The following PRSS23 variants were observed in gnomAD, a reference collection of about 807,000 sequenced individuals.
PRSS23 encodes the protein protease, serine 23.
Under a neutral mutation model 34.7 loss-of-function variants are expected in PRSS23, and 25 were observed. The observed-to-expected ratio is 0.72, with a 90% confidence interval of 0.53 to 1.01. The LOEUF (loss-of-function observed/expected upper bound fraction) is 1.01. Ranked by LOEUF, PRSS23 falls within the 50% of genes least tolerant of loss-of-function variation. PRSS23 has a pLI of 0.00. For synonymous variants in PRSS23, 176 were observed against 186.6 expected (o/e 0.94, Z 0.46); for missense variants, 445 against 475.6 (o/e 0.94, Z 0.60).
intron 2 of PRSS23, among the ~76,000 whole-genome samples, chr11:86,875,329 C>T (rs11234847): frequency 0.087 from 13,224 of 152,198 alleles, 634 homozygotes; most frequent in East Asian, 0.2. Context: ...CAAGATCATG[C>T]GGTTGCACTC....
intron 1 of PRSS23, among the ~76,000 whole-genome samples, chr11:86,804,563 C>T (rs1839383466): frequency 1.3e-5 from 2 of 152,208 alleles, no homozygotes; most frequent in Non-Finnish European, 1.5e-5. Flanking sequence ...GTTAAAGCTT[C>T]ACACTGTCCT....
intron 1 of PRSS23, among the ~76,000 whole-genome samples, chr11:86,804,672 A>T (rs538713271): frequency 6.6e-6 from 1 of 152,342 alleles, no homozygotes; most frequent in Admixed American, 6.5e-5. Flanking sequence ...CTGAATTAGT[A>T]ATATTCTATC....
chr11:86,798,749 C>A (rs1253038856), upstream of PRSS23, among the ~76,000 whole-genome samples: 1 of 152,184 alleles, frequency 6.6e-6, no homozygotes, highest in Non-Finnish European at 1.5e-5. Context: ...GGTTGGAGTG[C>A]AGTGGTGATC....
intron 2 of PRSS23, among the ~76,000 whole-genome samples, chr11:86,943,822 C>T (rs974993073): frequency 2.6e-5 from 4 of 151,790 alleles, no homozygotes; most frequent in African/African-American, 4.8e-5. Context: ...CGGCTCATTG[C>T]AACCTCTGCC....
chr11:86,895,527 T>C (rs1948869151), intron 2 of PRSS23, among the ~76,000 whole-genome samples: 2 of 132,502 alleles, frequency 1.5e-5, no homozygotes, highest in Non-Finnish European at 3.1e-5. Context: ...TTGCCCAGGC[T>C]GGAGTACAGT....
upstream of PRSS23, among the ~76,000 whole-genome samples, chr11:86,796,712 A>G (rs1432113106): frequency 6.6e-6 from 1 of 151,228 alleles, no homozygotes; most frequent in African/African-American, 2.4e-5. Context: ...TATAGTATGC[A>G]TTCACTAAGC....
chr11:86,939,426 A>ATATATATTTTTTTAT, intron 2 of PRSS23, among the ~76,000 whole-genome samples: 1 of 94,072 alleles, frequency 1.1e-5, no homozygotes, highest in East Asian at 2.9e-4. Flanking sequence ...ATATATATAT[A>ATATATATTTTTTTAT]TTTTTTAACA....
intron 2 of PRSS23, among the ~76,000 whole-genome samples, chr11:86,824,206 G>C (rs898174390): frequency 6.6e-6 from 1 of 151,234 alleles, no homozygotes; most frequent in African/African-American, 2.4e-5. Context: ...TACTTGGGAG[G>C]CTGAGGTGGG....
intron 1 of PRSS23, among the ~76,000 whole-genome samples, chr11:86,801,724 A>G (rs958041640): frequency 1.3e-5 from 2 of 152,240 alleles, no homozygotes; most frequent in Non-Finnish European, 2.9e-5. Flanking sequence ...TATTTGTGAC[A>G]GGTTTATAAC....
chr11:86,800,365 G>C, upstream of PRSS23: 1 of 846,928 alleles, frequency 1.2e-6, no homozygotes, highest in Non-Finnish European at 1.4e-6. Flanking sequence ...AGGCCCTCTG[G>C]GCTGCTCCAC....
At chr11:86,812,331 G>T (rs1295990998), downstream of PRSS23, among the ~76,000 whole-genome samples, 2 of 152,188 alleles carry the variant, frequency 1.3e-5, no homozygotes, top group East Asian at 3.9e-4. Flanking sequence ...AGCATTCTGA[G>T]GGCCTCCAAT....
chr11:86,798,368 C>T (rs1305684238), upstream of PRSS23, among the ~76,000 whole-genome samples: 27 of 152,152 alleles, frequency 1.8e-4, no homozygotes, highest in Admixed American at 6.5e-5. Context: ...AGAGAAACAG[C>T]ACAAATACCT....
intron 2 of PRSS23, chr11:86,946,574 C>T (rs1217132843): frequency 6.6e-6 from 1 of 152,338 alleles, no homozygotes; most frequent in Non-Finnish European, 1.5e-5. Context: ...TGTGTAATCA[C>T]CGCACAAGTG....
chr11:86,870,213 G>C (rs1484106285), intron 2 of PRSS23, among the ~76,000 whole-genome samples: 3 of 151,612 alleles, frequency 2.0e-5, no homozygotes, highest in Admixed American at 1.3e-4. Flanking sequence ...CATCATCTGT[G>C]CCTTGGCGCT....
At chr11:86,815,583 A>C (rs1948209742), downstream of PRSS23, among the ~76,000 whole-genome samples, 1 of 152,202 alleles carries the variant, frequency 6.6e-6, no homozygotes, top group East Asian at 1.9e-4. Flanking sequence ...ATTCTGTTCT[A>C]TTCTAGCATG....
At chr11:86,813,323 G>T (rs577458312), downstream of PRSS23, among the ~76,000 whole-genome samples, 4 of 152,278 alleles carry the variant, frequency 2.6e-5, no homozygotes, top group African/African-American at 7.2e-5. Flanking sequence ...AATTTGGGAG[G>T]GAATATGTTT....
intron 2 of PRSS23, among the ~76,000 whole-genome samples, chr11:86,926,416 G>A (rs961392721): frequency 6.6e-6 from 1 of 152,122 alleles, no homozygotes; most frequent in Non-Finnish European, 1.5e-5. Context: ...AAAAAAAAGT[G>A]TGACTTAGAG....
At chr11:86,862,350 T>A (rs1210132822) in intron 2 of PRSS23, among the ~76,000 whole-genome samples, 1 of 151,920 alleles carries the variant, frequency 6.6e-6, no homozygotes, top group East Asian at 1.9e-4. Flanking sequence ...TTACTCCTAA[T>A]GTACAGGGGG....
chr11:86,879,041 C>T (rs373534444), intron 2 of PRSS23, among the ~76,000 whole-genome samples: 6 of 139,642 alleles, frequency 4.3e-5, no homozygotes, highest in East Asian at 4.1e-4. Flanking sequence ...CGGCAGCCAT[C>T]CCGTCTAGGA....
Sources: allele counts gnomAD v4.1 joint callset (sites outside exome capture counted in the v4.1 genomes callset), GRCh38; gene constraint gnomAD v4.1.1; transcripts MANE v1.5; gene names NCBI Gene and HGNC (gene_info 2026-07-23, HGNC 2026-07-21).